Variants in SLC25A23 observed in about 807,000 individuals in gnomAD.
The protein encoded by SLC25A23 is mitochondrial adenyl nucleotide antiporter SLC25A23.
Under a neutral mutation model 53.9 loss-of-function variants are expected in SLC25A23, and 32 were observed. The observed-to-expected ratio is 0.59, with a 90% CI of 0.45 to 0.80. SLC25A23 has a LOEUF of 0.80. Among genes scored for constraint, SLC25A23 ranks in the 30% least tolerant of loss-of-function variants. The pLI is 0.00. For missense variants in SLC25A23, 575 were observed against 651.4 expected (o/e 0.88, Z 1.28); for synonymous variants, 275 against 264.5 (o/e 1.04, Z -0.38).
Position 6,456,548 on chromosome 19 carries a change from GGGT to G in SLC25A23, c.372-20_372-18del. 1 of 1,606,878 alleles carries G rather than the reference GGGT, an allele frequency of 6.2e-7. No individual in the cohort carries two copies. The highest frequency in any genetic ancestry group is 8.5e-7 in the Non-Finnish European group (1 of 1,174,162). On this transcript the variant is annotated intron_variant, in intron 3 of 9. Coordinates refer to ENST00000301454, the MANE Select transcript of SLC25A23 (RefSeq NM_024103.3). The stretch of plus-strand genomic sequence containing the variant: ...CGGTCCATGCTGGGGGGAAGAAAGG[GGGT>G]GGAGGAGGACAGGTTCAGTGCCTGG...
Position 6,440,599 on chromosome 19 carries a change from G to A in SLC25A23, c.*1376C>T, listed in dbSNP as rs2092406909. Reference sequence around the variant, plus strand: ...TTCGCCTAGAAGGTGGGAGGGGGATGGAAGATGCTGTGAAGTGTGGGGATG... The same window carrying A: ...TTCGCCTAGAAGGTGGGAGGGGGATAGAAGATGCTGTGAAGTGTGGGGATG... On this transcript the variant is annotated 3_prime_UTR_variant, in exon 10 of 10. Transcript: ENST00000301454. 1 of 151,770 alleles carries A rather than the reference G, an allele frequency of 6.6e-6. No homozygotes were observed. Among genetic ancestry groups the A allele is most frequent in the Non-Finnish European group, 1.5e-5 (1 of 67,928 alleles). The allele number at this position is 151,770 out of a possible 1,614,324, so 9.4% of individuals were successfully genotyped here. A position where few individuals can be genotyped will look rare whatever the true frequency, so the allele number is the denominator to read the frequency against.
Position 6,454,552 on chromosome 19 carries a change from C to A in SLC25A23, c.642+7G>T, listed in dbSNP as rs1169968991. 1.9e-6 allele frequency: 3 copies of A among 1,613,522 alleles called. No homozygotes were observed. On this transcript the variant is annotated splice_region_variant and intron_variant, in intron 5 of 9. Coordinates refer to ENST00000301454, the MANE Select transcript of SLC25A23 (RefSeq NM_024103.3). This position sits in a 1 kb window ranked among gnomAD's most constrained non-coding sequence, Gnocchi z 4.3. The stretch of plus-strand genomic sequence containing the variant: ...GGGAGGGGGCAGGTCTCTCCAGAGC[C>A]CCTCACCTGCATGAAGACCTTGAGG...
At position 6,444,261 on chromosome 19, in the gene SLC25A23, G is replaced by T; in HGVS notation, c.1112C>A (p.Ser371Ter). The change falls in exon 9 of 10, where the codon TCG (serine) becomes TAG (stop). Residue 371 changes from serine to a stop codon, truncating the protein, a stop_gained. Coordinates refer to ENST00000301454, the MANE Select transcript of SLC25A23 (RefSeq NM_024103.3). LOFTEE classifies it high-confidence loss of function. ...GAGCACGAGGATGCCTGGGTCTGCC[G>T]AGTCGTGGCTGTACTGCTGAAGCCA... is the stretch of plus-strand genomic sequence containing the variant. ...NWWLQQYSHD[S>*]ADPGILVLLA... The T allele has an allele frequency of 6.2e-7, 1 of 1,606,724 alleles. No homozygotes were observed. The highest frequency in any genetic ancestry group is 8.5e-7 in the Non-Finnish European group (1 of 1,177,314).
At chr19:6,451,597 A>G (rs1368372625) in intron 8 of SLC25A23, among the ~76,000 whole-genome samples, 1 of 152,116 alleles carries the variant, frequency 6.6e-6, no homozygotes, top group African/African-American at 2.4e-5. Context: ...TGGTGATCCC[A>G]CTAGAAGGTA....
In SLC25A23 at chr19:6,441,764, C is replaced by T; in HGVS notation, c.*211G>A. On this transcript the variant is annotated 3_prime_UTR_variant, in exon 10 of 10. Coordinates refer to ENST00000301454, the MANE Select transcript of SLC25A23 (RefSeq NM_024103.3). ...TCTAGTGGCTGAAGGGTGGGGATCG[C>T]ATGACCCAGTGGTTGGGGCATAGGA... is the stretch of plus-strand genomic sequence containing the variant. 1.7e-6 allele frequency: 1 copy of T among 580,580 alleles called. No individual in the cohort carries two copies. Among genetic ancestry groups the T allele is most frequent in the Non-Finnish European group, 3.1e-6 (1 of 325,948 alleles). The allele number at this position is 580,580 out of a possible 1,614,324, so 36.0% of individuals were successfully genotyped here. A position where few individuals can be genotyped will look rare whatever the true frequency, so the allele number is the denominator to read the frequency against.
At chr19:6,437,375 A>G (rs758176213), downstream of SLC25A23, among the ~76,000 whole-genome samples, 10 of 152,192 alleles carry the variant, frequency 6.6e-5, no homozygotes, top group African/African-American at 9.7e-5. Context: ...TCCCCCAAAA[A>G]GATGTGTTCA....
At chr19:6,457,091 A>G in intron 3 of SLC25A23, among the ~76,000 whole-genome samples, 1 of 139,560 alleles carries the variant, frequency 7.2e-6, no homozygotes, top group Non-Finnish European at 1.5e-5. Flanking sequence ...TTCCAGAAGG[A>G]GTCTCACTCC....
In SLC25A23 at chr19:6,455,938, C is replaced by T. The variant is rs1220439771; in HGVS notation, c.483+482G>A. On this transcript the variant is annotated intron_variant, in intron 4 of 9. Transcript: ENST00000301454. ...GTTTCACCATGTTAGCCAGGATGGTCGCGATCGCCTGACCTCGTGATCCGC... is the reference window on the plus strand; with the variant it reads ...GTTTCACCATGTTAGCCAGGATGGTTGCGATCGCCTGACCTCGTGATCCGC... 1.1e-5 allele frequency: 11 copies of T among 1,022,354 alleles called. No homozygotes were observed. The East Asian group carries it at 2.4e-4, about 23-fold the overall frequency. 63.3% of individuals were successfully genotyped at this position (1,022,354 alleles called of 1,614,324 possible).
chr19:6,459,074 G>A lies in SLC25A23; in HGVS notation c.156+399C>T, dbSNP rs1313651302. Among the ~76,000 whole-genome samples, 1 of 152,216 alleles carries A rather than the reference G, an allele frequency of 6.6e-6. No individual in the cohort carries two copies. The highest frequency in any genetic ancestry group is 2.4e-5 in the African/African-American group (1 of 41,466). ...CCAGGGAATGTAAACACAGGGATCG[G>A]GGCAGCTGCAGGCCAGGGCAGTAGG... On this transcript the variant is annotated intron_variant, in intron 1 of 9. Transcript: ENST00000301454. The surrounding 1 kb of genome is among the most constrained non-coding windows in gnomAD (Gnocchi z 4.6).
chr19:6,450,856 G>T (rs929831583), intron 8 of SLC25A23, among the ~76,000 whole-genome samples: 2 of 152,134 alleles, frequency 1.3e-5, no homozygotes, highest in East Asian at 3.9e-4. Context: ...GAGGTGGGGG[G>T]ATCCCCTAAG....
intron 8 of SLC25A23, among the ~76,000 whole-genome samples, chr19:6,445,197 C>T (rs1820979315): frequency 6.6e-6 from 1 of 151,860 alleles, no homozygotes; most frequent in Non-Finnish European, 1.5e-5. Flanking sequence ...GCAACCTCCG[C>T]CTCCTGGCTT....
At chr19:6,449,815 C>T (rs914712327) in intron 8 of SLC25A23, among the ~76,000 whole-genome samples, 46 of 150,342 alleles carry the variant, frequency 3.1e-4, no homozygotes, top group Non-Finnish European at 6.2e-4. Context: ...ATTACAGGCA[C>T]AAGCCACTGC....
chr19:6,455,389 C>T (rs1291101709), intron 4 of SLC25A23, among the ~76,000 whole-genome samples: 1 of 152,118 alleles, frequency 6.6e-6, no homozygotes, highest in African/African-American at 2.4e-5. Flanking sequence ...TCTTACCAGG[C>T]ACCTCCCCTA....
intron 4 of SLC25A23, 91 bp downstream of exon 4, chr19:6,456,329 C>G: frequency 1.5e-6 from 2 of 1,323,266 alleles, no homozygotes; most frequent in South Asian, 2.5e-5. Flanking sequence ...AAGTCCTGGT[C>G]CAGCCCATCC....
rs575293523 is a variant in SLC25A23, at chr19:6,455,359, C to T, written c.484-642G>A. The stretch of plus-strand genomic sequence containing the variant: ...TTTCCATATAATGATTCCAAAAGAT[C>T]CCTTCAGGGCCATACAAGATCTTAC... On this transcript the variant is annotated intron_variant, in intron 4 of 9. Transcript: ENST00000301454. Among the ~76,000 whole-genome samples the T allele has an allele frequency of 2.6e-4, 40 of 152,242 alleles. 1 individual carries two copies. In the South Asian group the frequency reaches 6.8e-3, roughly 26 times the overall value.
chr19:6,454,529 G>A lies in SLC25A23; in HGVS notation c.642+30C>T. 1.9e-6 allele frequency: 3 copies of A among 1,613,266 alleles called. No homozygotes were observed. The highest frequency in any genetic ancestry group is 2.5e-6 in the Non-Finnish European group (3 of 1,179,608). On this transcript the variant is annotated intron_variant, in intron 5 of 9. Transcript: ENST00000301454. This position sits in a 1 kb window ranked among gnomAD's most constrained non-coding sequence, Gnocchi z 4.3. ...CCCCTCCCAGGTGTCAGGCCTGGGG[G>A]AGGGGGCAGGTCTCTCCAGAGCCCC...
chr19:6,447,365 A>T (rs1225984052), intron 8 of SLC25A23, among the ~76,000 whole-genome samples: 1 of 152,078 alleles, frequency 6.6e-6, no homozygotes, highest in Non-Finnish European at 1.5e-5. Context: ...GCAGTGGTGA[A>T]ATCTCGGCTC....
At chr19:6,456,576 G>A (rs750771685) in intron 3 of SLC25A23, 45 bp from the exon 4 acceptor site, 1 of 1,522,856 alleles carries the variant, frequency 6.6e-7, no homozygotes, top group South Asian at 1.1e-5. Flanking sequence ...TCAGTGCCTG[G>A]GGGTGGGCTA....
At chr19:6,455,881 G>T in intron 4 of SLC25A23, 1 of 535,270 alleles carries the variant, frequency 1.9e-6, no homozygotes, top group Non-Finnish European at 3.0e-6. Flanking sequence ...ACTACACCTG[G>T]CTCATTTTTT....
Sources: allele counts gnomAD v4.1 joint callset (sites outside exome capture counted in the v4.1 genomes callset), GRCh38; gene constraint gnomAD v4.1.1; non-coding constraint Gnocchi (gnomAD v3.1); transcripts MANE v1.5; gene names NCBI Gene and HGNC (gene_info 2026-07-23, HGNC 2026-07-21).